SMARCA4: variants seen among roughly 807,000 people sequenced by gnomAD.
SMARCA4 encodes the protein SWI/SNF related BAF chromatin remodeling complex subunit ATPase 4, also known as SWI/SNF-related matrix-associated actin-dependent regulator of chromatin subfamily A member 4.
SMARCA4 carries 31 observed loss-of-function variants against 193.9 expected under a neutral mutation model. That is an observed-to-expected ratio of 0.16 (90% confidence interval 0.12 to 0.22). SMARCA4 has a LOEUF of 0.22. Among genes scored for constraint, SMARCA4 ranks in the 10% least tolerant of loss-of-function variants. The pLI, the probability that SMARCA4 is intolerant of heterozygous loss-of-function variation, is 1.00. For synonymous variants in SMARCA4, 942 were observed against 933.1 expected (o/e 1.01, Z -0.17); for missense variants, 1,148 against 2,296.0 (o/e 0.50, Z 10.22).
intron 13 of SMARCA4, 25 bp downstream of exon 13, chr19:11,003,422 A>G: frequency 6.2e-7 from 1 of 1,607,128 alleles, no homozygotes; most frequent in Non-Finnish European, 8.5e-7. Context: ...CCTGGCTTTC[A>G]AGGCTCTCAG....
chr19:11,006,367 C>T (rs1016693278), intron 13 of SMARCA4, among the ~76,000 whole-genome samples: 8 of 152,214 alleles, frequency 5.3e-5, no homozygotes, highest in Admixed American at 1.3e-4. Flanking sequence ...TGCCTCTTGT[C>T]GCCAGTGTTA....
chr19:11,017,989 C>T (rs994958292), intron 16 of SMARCA4, among the ~76,000 whole-genome samples: 2 of 152,256 alleles, frequency 1.3e-5, no homozygotes, highest in Non-Finnish European at 2.9e-5. Flanking sequence ...CTGCTCCCCA[C>T]GCTTCTTCAG....
chr19:10,986,711 G>A lies in SMARCA4; in HGVS notation c.760+118G>A. Reference sequence around the variant, plus strand: ...GGTTCCCCGGTTTGGGATTGCACGGGCCCATACTGCACTTCTGGGTGCTCG... The same window carrying A: ...GGTTCCCCGGTTTGGGATTGCACGGACCCATACTGCACTTCTGGGTGCTCG... On this transcript the variant is annotated intron_variant, in intron 4 of 34. Coordinates refer to ENST00000344626, the MANE Select transcript of SMARCA4 (RefSeq NM_003072.5). The surrounding 1 kb of genome is among the most constrained non-coding windows in gnomAD (Gnocchi z 6.7). 7.0e-7 allele frequency: 1 copy of A among 1,430,842 alleles called. No homozygotes were observed. Among genetic ancestry groups the A allele is most frequent in the Non-Finnish European group, 9.5e-7 (1 of 1,055,490 alleles). 88.6% of individuals were successfully genotyped at this position (1,430,842 alleles called of 1,614,324 possible).
rs746313418 is a variant in SMARCA4, at chr19:10,987,936, G to T, written c.1118+12G>T. The stretch of plus-strand genomic sequence containing the variant: ...GAGCGCGAGTACAGGTGAGGGCGGG[G>T]CCCAGTTGCCAAGGTCACTGCCCTG... On this transcript the variant is annotated intron_variant, in intron 6 of 34. Transcript: ENST00000344626. The surrounding 1 kb of genome is among the most constrained non-coding windows in gnomAD (Gnocchi z 5.3). 6.2e-7 allele frequency: 1 copy of T among 1,611,668 alleles called. No homozygotes were observed. Among genetic ancestry groups the T allele is most frequent in the East Asian group, 2.2e-5 (1 of 44,856 alleles).
At chr19:10,988,624 C>A (rs553223687) in intron 6 of SMARCA4, among the ~76,000 whole-genome samples, 1 of 152,334 alleles carries the variant, frequency 6.6e-6, no homozygotes, top group South Asian at 2.1e-4. Flanking sequence ...GCTCCTTCTA[C>A]TCATTCAGGC....
At chr19:10,969,720 G>A (rs965203172) in intron 1 of SMARCA4, among the ~76,000 whole-genome samples, 3 of 152,120 alleles carry the variant, frequency 2.0e-5, no homozygotes, top group African/African-American at 7.2e-5. Flanking sequence ...ATGAGCCACT[G>A]CACCTGGCCC....
At chr19:10,974,557 T>C (rs550345489) in intron 1 of SMARCA4, among the ~76,000 whole-genome samples, 3 of 149,208 alleles carry the variant, frequency 2.0e-5, no homozygotes, top group African/African-American at 7.4e-5. Context: ...ATCTGTGATA[T>C]GGAAAGGGTA....
In SMARCA4 at chr19:10,962,629, G is replaced by A. The variant is rs141906937; in HGVS notation, c.-32+1455G>A. On this transcript the variant is annotated intron_variant, in intron 1 of 34. Coordinates refer to ENST00000344626, the MANE Select transcript of SMARCA4 (RefSeq NM_003072.5). The stretch of plus-strand genomic sequence containing the variant: ...CCAATCTCCGCTCACTGTAACCTCC[G>A]CCTCCTGGGTTCAAGCGATTCTCCT... 3.8e-3 allele frequency among the ~76,000 whole-genome samples: 579 copies of A among 152,196 alleles called. 8 individuals are homozygous for A. Among genetic ancestry groups the A allele is most frequent in the African/African-American group, 0.013 (537 of 41,516 alleles).
chr19:11,055,149 A>G (rs2076469795), intron 30 of SMARCA4, among the ~76,000 whole-genome samples: 1 of 152,030 alleles, frequency 6.6e-6, no homozygotes, highest in Admixed American at 6.6e-5. Flanking sequence ...ATTCTCCTAG[A>G]GGTCTGGGAA....
intron 34 of SMARCA4, among the ~76,000 whole-genome samples, chr19:11,061,204 A>AAAAAAATATATATATAT (rs1555797070): frequency 2.2e-5 from 1 of 45,226 alleles, no homozygotes; most frequent in African/African-American, 1.1e-4. Flanking sequence ...AAAAAAAAAA[A>AAAAAAATATATATATAT]ATATATATAT....
At chr19:11,001,538 G>T (rs1000194447) in intron 11 of SMARCA4, among the ~76,000 whole-genome samples, 18 of 152,160 alleles carry the variant, frequency 1.2e-4, no homozygotes, top group African/African-American at 4.1e-4. Flanking sequence ...TGGGTGTAGG[G>T]GAGGCATGCA....
chr19:11,047,418 T>A (rs375585179), intron 30 of SMARCA4, among the ~76,000 whole-genome samples: 1 of 151,668 alleles, frequency 6.6e-6, no homozygotes, highest in African/African-American at 2.4e-5. Context: ...AGGTTTTTTT[T>A]TTTTTTTGGA....
At chr19:10,965,970 G>GTTTTT (rs372236923) in intron 1 of SMARCA4, among the ~76,000 whole-genome samples, 8 of 78,982 alleles carry the variant, frequency 1.0e-4, no homozygotes, top group Non-Finnish European at 1.2e-4. Flanking sequence ...TAGTGGCATG[G>GTTTTT]TTTTTTTTTT....
chr19:11,039,365 GA>G, intron 29 of SMARCA4: 2 of 666,340 alleles, frequency 3.0e-6, no homozygotes, highest in Non-Finnish European at 2.5e-6. Flanking sequence ...GAAAAAAAGG[GA>G]AATGACCTAA....
In SMARCA4 at chr19:10,985,190, G is replaced by C. The variant is rs1400824560; in HGVS notation, c.223-83G>C. 1 of 1,483,998 alleles carries C rather than the reference G, an allele frequency of 6.7e-7. No homozygotes were observed. The highest frequency in any genetic ancestry group is 9.4e-7 in the Non-Finnish European group (1 of 1,064,288). 91.9% of individuals were successfully genotyped at this position (1,483,998 alleles called of 1,614,324 possible). A position where few individuals can be genotyped will look rare whatever the true frequency, so the allele number is the denominator to read the frequency against. On this transcript the variant is annotated intron_variant, in intron 2 of 34. Coordinates refer to ENST00000344626, the MANE Select transcript of SMARCA4 (RefSeq NM_003072.5). The surrounding 1 kb of genome is among the most constrained non-coding windows in gnomAD (Gnocchi z 4.5). ...TCGGGTGGCTGTTCTCGGTGCCCTC[G>C]AGCTTCTCTCGGGCAGCGCATAGCT...
chr19:11,032,678 A>AG (rs1206790851), intron 25 of SMARCA4: 1 of 157,818 alleles, frequency 6.3e-6, no homozygotes, highest in Non-Finnish European at 1.4e-5. Flanking sequence ...AAAAAAAAAA[A>AG]AAAGAAAAAA....
rs187106901 is a variant in SMARCA4, at chr19:10,997,442, C to A, written c.1812+898C>A. Among the ~76,000 whole-genome samples, 74 of 151,242 alleles carry A rather than the reference C, an allele frequency of 4.9e-4. 1 individual carries two copies. The highest frequency in any genetic ancestry group is 3.4e-3 in the Middle Eastern group (1 of 294). ...TTCAATCTCCTGACCTCGTGAACATCGGCCTCCCAAAATGCTGGGATTACA... is the reference window on the plus strand; with the variant it reads ...TTCAATCTCCTGACCTCGTGAACATAGGCCTCCCAAAATGCTGGGATTACA... On this transcript the variant is annotated intron_variant, in intron 11 of 34. Coordinates refer to ENST00000344626, the MANE Select transcript of SMARCA4 (RefSeq NM_003072.5).
At chr19:10,980,807 A>G (rs1025670469) in intron 1 of SMARCA4, 1 of 152,168 alleles carries the variant, frequency 6.6e-6, no homozygotes, top group African/African-American at 2.4e-5. Flanking sequence ...GCTAGAGTGC[A>G]GTGGTGCGGT....
intron 1 of SMARCA4, among the ~76,000 whole-genome samples, chr19:10,981,699 G>A (rs2085563317): frequency 6.6e-6 from 1 of 152,118 alleles, no homozygotes; most frequent in African/African-American, 2.4e-5. Flanking sequence ...CCTATGGCTG[G>A]GTGCAGTGTC....
Sources: allele counts gnomAD v4.1 joint callset (sites outside exome capture counted in the v4.1 genomes callset), GRCh38; gene constraint gnomAD v4.1.1; non-coding constraint Gnocchi (gnomAD v3.1); transcripts MANE v1.5; gene names NCBI Gene and HGNC (gene_info 2026-07-23, HGNC 2026-07-21).